Variants in AP1G1 observed in about 807,000 individuals in gnomAD.
AP1G1 encodes the protein adaptor related protein complex 1 subunit gamma 1.
AP1G1 carries 7 observed loss-of-function variants against 108.3 expected under a neutral mutation model. The observed-to-expected ratio is 0.06, with a 90% CI of 0.04 to 0.12. The LOEUF is 0.12. Among genes scored for constraint, AP1G1 ranks in the 10% least tolerant of loss-of-function variants. The pLI is 1.00. For missense variants in AP1G1, 756 were observed against 1,010.7 expected, an observed-to-expected ratio of 0.75 and a Z score of 3.42; for synonymous variants, 379 against 353.5, an observed-to-expected ratio of 1.07 and a Z score of -0.81.
chr16:71,785,489 C>G (rs753738236), intron 2 of AP1G1, among the ~76,000 whole-genome samples: 7 of 146,658 alleles, frequency 4.8e-5, no homozygotes, highest in African/African-American at 1.5e-4. Context: ...GCAGGAGAAT[C>G]GCTTGAACCT....
intron 1 of AP1G1, chr16:71,808,556 T>A (rs1173573726): frequency 7.8e-7 from 1 of 1,288,176 alleles, no homozygotes; most frequent in Non-Finnish European, 1.0e-6. Flanking sequence ...AACCTCCCGG[T>A]CCGAGGCCTC....
chr16:71,777,208 C>T (rs2031818041), intron 2 of AP1G1, among the ~76,000 whole-genome samples: 1 of 147,230 alleles, frequency 6.8e-6, no homozygotes, highest in Admixed American at 6.8e-5. Context: ...CAGTCTGGCG[C>T]TGTCTTAGAG....
Position 71,775,681 on chromosome 16 carries a change from T to TA in AP1G1, c.202-1090dup, listed in dbSNP as rs1237633706. The stretch of plus-strand genomic sequence containing the variant: ...AATTAATTTAAAAAGAGAGAGGCAA[T>TA]AACTAAGTTTAATATAATGTGGAAA... On this transcript the variant is annotated intron_variant, in intron 2 of 22. Transcript: ENST00000299980. Among the ~76,000 whole-genome samples, 5 of 152,080 alleles carry TA rather than the reference T, an allele frequency of 3.3e-5. No homozygotes were observed. In the East Asian group the frequency reaches 9.6e-4, roughly 29 times the overall value.
intron 2 of AP1G1, among the ~76,000 whole-genome samples, chr16:71,778,687 A>T (rs2031883779): frequency 6.6e-6 from 1 of 151,852 alleles, no homozygotes; most frequent in Non-Finnish European, 1.5e-5. Context: ...TGTCTTAAAA[A>T]AAAAAAAAGA....
At chr16:71,808,363 C>T (rs2033071443) in intron 1 of AP1G1, 2 of 851,312 alleles carry the variant, frequency 2.3e-6, no homozygotes, top group African/African-American at 1.8e-5. Context: ...AGACCTGACA[C>T]GGGTACAAGA....
At chr16:71,791,754 A>G (rs1273116907) in intron 1 of AP1G1, among the ~76,000 whole-genome samples, 1 of 144,820 alleles carries the variant, frequency 6.9e-6, no homozygotes, top group Non-Finnish European at 1.5e-5. Context: ...AGCTAACACT[A>G]AACTCTGACT....
intron 2 of AP1G1, 118 bp from the exon 3 acceptor site, chr16:71,774,710 C>T: frequency 1.8e-6 from 2 of 1,083,128 alleles, no homozygotes. Flanking sequence ...TGTGTTTCAT[C>T]AAACTACCTA....
At chr16:71,807,725 G>A in intron 1 of AP1G1, 6 of 975,962 alleles carry the variant, frequency 6.1e-6, no homozygotes, top group Non-Finnish European at 8.5e-6. Flanking sequence ...CAAAGTTAAG[G>A]TCACTAAGAA....
intron 9 of AP1G1, among the ~76,000 whole-genome samples, chr16:71,762,198 T>C (rs2031119416): frequency 1.3e-5 from 2 of 152,092 alleles, no homozygotes; most frequent in Non-Finnish European, 2.9e-5. Context: ...CAGAATGCAT[T>C]CTGACACATG....
chr16:71,743,478 C>T (rs2029978755), intron 19 of AP1G1: 1 of 152,060 alleles, frequency 6.6e-6, no homozygotes, highest in Non-Finnish European at 1.5e-5. Context: ...TGGCATTCGC[C>T]TATAATCCCA....
Position 71,730,275 on chromosome 16 carries a change from G to A in AP1G1, c.*2783C>T, listed in dbSNP as rs937712494. ...TCCTACAGTTTTTTGAGATTACTTAGATGAATTAATTCTCCTTTAGGATTC... is the reference window on the plus strand; with the variant it reads ...TCCTACAGTTTTTTGAGATTACTTAAATGAATTAATTCTCCTTTAGGATTC... On this transcript the variant is annotated 3_prime_UTR_variant, in exon 23 of 23. Transcript: ENST00000299980. 13 of 150,002 alleles carry A rather than the reference G, an allele frequency of 8.7e-5. No individual in the cohort carries two copies. Among genetic ancestry groups the A allele is most frequent in the African/African-American group, 3.2e-4 (13 of 40,918 alleles). The allele number at this position is 150,002 out of a possible 1,614,324, so 9.3% of individuals were successfully genotyped here.
At chr16:71,752,256 T>A (rs149900665) in intron 13 of AP1G1, among the ~76,000 whole-genome samples, 26 of 152,316 alleles carry the variant, frequency 1.7e-4, no homozygotes, top group African/African-American at 6.3e-4. Flanking sequence ...CTTTTGAGCC[T>A]CATGAAAACT....
chr16:71,748,225 T>G (rs1315072845), intron 16 of AP1G1, 26 bp downstream of exon 16: 1 of 1,595,610 alleles, frequency 6.3e-7, no homozygotes, highest in South Asian at 1.2e-5. Flanking sequence ...AACAACCTGT[T>G]CACCCTATGT....
In AP1G1 at chr16:71,806,721, G is replaced by C. The variant is rs767295734; in HGVS notation, c.-4+2042C>G. 4 of 1,288,142 alleles carry C rather than the reference G, an allele frequency of 3.1e-6. No individual in the cohort carries two copies. In the South Asian group the frequency reaches 5.0e-5, roughly 16 times the overall value. The allele number at this position is 1,288,142 out of a possible 1,614,324, so 79.8% of individuals were successfully genotyped here. The stretch of plus-strand genomic sequence containing the variant: ...AGCATTACATAGGTGTTCAGTGTTT[G>C]ACAGTTCCTTTAAACCAAAAGAGAA... On this transcript the variant is annotated intron_variant, in intron 1 of 22. Coordinates refer to ENST00000299980, the MANE Select transcript of AP1G1 (RefSeq NM_001128.6).
chr16:71,748,356 T>A lies in AP1G1; in HGVS notation c.1520A>T (p.Asp507Val). The change falls in exon 16 of 23, where the codon GAT becomes GTT. Residue 507 changes from aspartate to valine, a missense_variant. Around this residue, in one of 3 missense-constraint regions of AP1G1, gnomAD observed 357 missense variants for 366.5 expected, o/e 0.97. Coordinates refer to ENST00000299980, the MANE Select transcript of AP1G1 (RefSeq NM_001128.6). Reference sequence around the variant, plus strand: ...AGAGATTAGGACACTTTCTAAAATATCCAACACTTCATCCTCTGTTACCTG... The same window carrying A: ...AGAGATTAGGACACTTTCTAAAATAACCAACACTTCATCCTCTGTTACCTG... ...PIQVTEDEVLDILESVLISNM... is the reference protein window; with the variant it reads ...PIQVTEDEVLVILESVLISNM... The A allele has an allele frequency of 6.2e-7, 1 of 1,613,294 alleles. No individual in the cohort carries two copies. Among genetic ancestry groups the A allele is most frequent in the Non-Finnish European group, 8.5e-7 (1 of 1,179,786 alleles).
intron 6 of AP1G1, among the ~76,000 whole-genome samples, chr16:71,767,186 T>C (rs1236631493): frequency 6.6e-6 from 1 of 152,128 alleles, no homozygotes; most frequent in Non-Finnish European, 1.5e-5. Context: ...GCACATCACA[T>C]AACATTACCC....
intron 1 of AP1G1, among the ~76,000 whole-genome samples, chr16:71,789,766 T>C (rs1433110960): frequency 2.6e-5 from 4 of 152,192 alleles, no homozygotes; most frequent in African/African-American, 9.6e-5. Context: ...ATCACTAATA[T>C]CAAAATATCT....
chr16:71,795,710 A>C (rs1166036968), intron 1 of AP1G1, among the ~76,000 whole-genome samples: 1 of 152,246 alleles, frequency 6.6e-6, no homozygotes, highest in Non-Finnish European at 1.5e-5. Context: ...ATTATGCTTC[A>C]ATCAGACTTT....
intron 19 of AP1G1, 72 bp downstream of exon 19, chr16:71,745,072 C>A (rs2145427412): frequency 1.3e-6 from 2 of 1,556,110 alleles, no homozygotes; most frequent in Non-Finnish European, 1.7e-6. Context: ...GCTGGAAAGT[C>A]TGGGTTCAGT....
Sources: allele counts gnomAD v4.1 joint callset (sites outside exome capture counted in the v4.1 genomes callset), GRCh38; gene constraint gnomAD v4.1.1; regional missense constraint gnomAD v4.1.1; transcripts MANE v1.5; gene names NCBI Gene and HGNC (gene_info 2026-07-23, HGNC 2026-07-21).